CACHD1: variants seen among roughly 807,000 people sequenced by gnomAD.
CACHD1 encodes the protein cache domain containing 1.
In CACHD1, 71 loss-of-function variants were observed where a neutral mutation model predicts 138.7. The observed-to-expected ratio is 0.51, with a 90% confidence interval of 0.42 to 0.62. The LOEUF (loss-of-function observed/expected upper bound fraction) is 0.62, where lower values mean the gene tolerates loss of function less well. Among genes scored for constraint, CACHD1 ranks in the 20% least tolerant of loss-of-function variants. The pLI, the probability that CACHD1 is intolerant of heterozygous loss-of-function variation, is 0.00. For synonymous variants in CACHD1, 578 were observed against 591.5 expected (o/e 0.98, Z 0.33); for missense variants, 1,389 against 1,625.3 (o/e 0.85, Z 2.50).
chr1:64,475,171 C>CTTTTTTTTTTTTTTTTTTTTT (rs3078373), intron 1 of CACHD1, among the ~76,000 whole-genome samples: 2 of 124,286 alleles, frequency 1.6e-5, no homozygotes, highest in African/African-American at 5.7e-5. Flanking sequence ...AAATTCCTTC[C>CTTTTTTTTTTTTTTTTTTTTT]TTTTTTTTTT....
intron 1 of CACHD1, among the ~76,000 whole-genome samples, chr1:64,523,376 A>G (rs1646512442): frequency 6.6e-6 from 1 of 152,146 alleles, no homozygotes; most frequent in Admixed American, 6.5e-5. Context: ...TAAGTTTTCT[A>G]GGGGGTTGTT....
At chr1:64,500,448 T>C (rs1646331585) in intron 1 of CACHD1, among the ~76,000 whole-genome samples, 1 of 152,176 alleles carries the variant, frequency 6.6e-6, no homozygotes, top group Admixed American at 6.5e-5. Context: ...GCCTAATAAA[T>C]ATCTATGTTC....
chr1:64,576,465 G>A (rs1226202723), intron 2 of CACHD1, among the ~76,000 whole-genome samples: 2 of 151,618 alleles, frequency 1.3e-5, no homozygotes, highest in African/African-American at 4.8e-5. Context: ...TTTGGTTGGC[G>A]TGCTAACAGA....
At chr1:64,647,763 T>C (rs1273695934) in intron 8 of CACHD1, 38 bp from the exon 9 acceptor site, 7 of 1,580,248 alleles carry the variant, frequency 4.4e-6, no homozygotes, top group Non-Finnish European at 6.1e-6. Flanking sequence ...TATAAACCAT[T>C]TTGCTTTCCG....
At chr1:64,556,658 G>A (rs1383969998) in intron 2 of CACHD1, among the ~76,000 whole-genome samples, 3 of 133,360 alleles carry the variant, frequency 2.2e-5, no homozygotes, top group South Asian at 2.9e-4. Context: ...TTACTCTTGG[G>A]TATACAGTTT....
intron 4 of CACHD1, among the ~76,000 whole-genome samples, chr1:64,620,328 A>G (rs900286295): frequency 5.9e-5 from 9 of 152,172 alleles, no homozygotes; most frequent in Admixed American, 2.0e-4. Flanking sequence ...TGATCACCAC[A>G]GAGACTATCC....
chr1:64,641,229 A>G (rs1044498124), intron 7 of CACHD1, among the ~76,000 whole-genome samples: 4 of 146,522 alleles, frequency 2.7e-5, no homozygotes, highest in Middle Eastern at 3.2e-3. Context: ...TGCCTCAATT[A>G]CCCAGACACA....
chr1:64,521,150 C>T (rs1156238483), intron 1 of CACHD1, among the ~76,000 whole-genome samples: 1 of 152,150 alleles, frequency 6.6e-6, no homozygotes, highest in Non-Finnish European at 1.5e-5. Flanking sequence ...CTTCCAGGCT[C>T]ACTGGTTGTA....
rs139679865 is a variant in CACHD1, at chr1:64,652,205, C to A, written c.1435C>A (p.Leu479Ile). ...TAAACCCTGTTATTTTGGAAACCTACTTCTGGGAATTGTAGGTGTGGACGT... is the reference window on the plus strand; with the variant it reads ...TAAACCCTGTTATTTTGGAAACCTAATTCTGGGAATTGTAGGTGTGGACGT... Reference protein sequence around the residue: ...VSKPCYFGNLLLGIVGVDVNL... With the variant: ...VSKPCYFGNLILGIVGVDVNL... Residue 479 changes from leucine to isoleucine, a missense_variant, in exon 10 of 27, where the codon CTT (leucine) becomes ATT (isoleucine). Leu to Ile is a conservative substitution (Grantham distance 5). This residue lies in a region of CACHD1 where 1,000 missense variants were observed against 1,114.7 expected (regional missense o/e 0.90). Transcript: ENST00000651257. 1 of 1,613,458 alleles carries A rather than the reference C, an allele frequency of 6.2e-7. No individual in the cohort carries two copies. The highest frequency in any genetic ancestry group is 8.5e-7 in the Non-Finnish European group (1 of 1,179,734).
At chr1:64,667,599 CTAAA>C (rs1649677558) in intron 16 of CACHD1, among the ~76,000 whole-genome samples, 1 of 152,204 alleles carries the variant, frequency 6.6e-6, no homozygotes, top group Non-Finnish European at 1.5e-5. Context: ...CTACTGATGT[CTAAA>C]TAGAGTGACT....
At chr1:64,657,088 C>T (rs991788640) in intron 12 of CACHD1, among the ~76,000 whole-genome samples, 3 of 152,064 alleles carry the variant, frequency 2.0e-5, no homozygotes, top group Non-Finnish European at 4.4e-5. Flanking sequence ...AACCCAAGTG[C>T]ATTTTTTAGC....
intron 3 of CACHD1, among the ~76,000 whole-genome samples, chr1:64,598,771 T>G (rs1009676557): frequency 2.0e-5 from 3 of 151,996 alleles, no homozygotes; most frequent in Non-Finnish European, 4.4e-5. Flanking sequence ...ATAAGATAAT[T>G]TGTTCATTAT....
chr1:64,561,378 A>G (rs551327555), intron 2 of CACHD1, among the ~76,000 whole-genome samples: 66 of 152,284 alleles, frequency 4.3e-4, no homozygotes, highest in Non-Finnish European at 7.8e-4. Flanking sequence ...AAATTGCCAT[A>G]TTTAATGAAG....
chr1:64,652,687 A>T (rs576764827), intron 10 of CACHD1, among the ~76,000 whole-genome samples: 2 of 152,302 alleles, frequency 1.3e-5, no homozygotes, highest in Admixed American at 1.3e-4. Context: ...TCCAAACCAC[A>T]ATGAGATGCC....
At chr1:64,539,926 C>G (rs1646664238) in intron 1 of CACHD1, among the ~76,000 whole-genome samples, 1 of 152,198 alleles carries the variant, frequency 6.6e-6, no homozygotes, top group African/African-American at 2.4e-5. Flanking sequence ...ATACCAGAGT[C>G]TGTATTGCAC....
chr1:64,618,730 T>C (rs1410947568), intron 4 of CACHD1, among the ~76,000 whole-genome samples: 3 of 152,234 alleles, frequency 2.0e-5, no homozygotes, highest in African/African-American at 7.2e-5. Context: ...CCAAAATGTT[T>C]GCTGTTGTAC....
chr1:64,529,639 A>G (rs1195994276), intron 1 of CACHD1, among the ~76,000 whole-genome samples: 1 of 152,224 alleles, frequency 6.6e-6, no homozygotes, highest in African/African-American at 2.4e-5. Flanking sequence ...CAACAGTCCT[A>G]TGAAGTGGAA....
At position 64,653,777 on chromosome 1, in the gene CACHD1, A is replaced by G. The variant is rs750398509; in HGVS notation, c.1560A>G (p.Pro520=). The stretch of plus-strand genomic sequence containing the variant: ...TTGCAGGATATACACTTATGCACCC[A>G]TCTCTTACCAGGCCATATTTATTGT... ...IDDKGYTLMH[P]SLTRPYLLSE... is the part of the protein sequence containing the mutation. Residue 520 remains proline, a synonymous_variant, in exon 11 of 27, where the codon CCA becomes CCG. Coordinates refer to ENST00000651257, the MANE Select transcript of CACHD1 (RefSeq NM_020925.4). 7 of 1,613,208 alleles carry G rather than the reference A, an allele frequency of 4.3e-6. No individual in the cohort carries two copies. In the East Asian group the frequency reaches 1.1e-4, roughly 26 times the overall value.
intron 1 of CACHD1, among the ~76,000 whole-genome samples, chr1:64,501,812 T>G (rs1646342020): frequency 6.6e-6 from 1 of 152,234 alleles, no homozygotes; most frequent in African/African-American, 2.4e-5. Context: ...TCCATCTCAC[T>G]TTGAATAAAA....
Sources: allele counts gnomAD v4.1 joint callset (sites outside exome capture counted in the v4.1 genomes callset), GRCh38; gene constraint gnomAD v4.1.1; regional missense constraint gnomAD v4.1.1; transcripts MANE v1.5; gene names NCBI Gene and HGNC (gene_info 2026-07-23, HGNC 2026-07-21).